Variants in TANGO6 observed in about 807,000 individuals in gnomAD.
TANGO6 encodes the protein transport and golgi organization 6 homolog, also known as transport and Golgi organization protein 6 homolog.
Under a neutral mutation model 114.2 loss-of-function variants are expected in TANGO6, and 90 were observed. That is an observed-to-expected ratio of 0.79 (90% CI 0.66 to 0.94). The LOEUF (loss-of-function observed/expected upper bound fraction) is 0.94. Ranked by LOEUF, TANGO6 falls within the 40% of genes least tolerant of loss-of-function variation. The pLI, the probability that TANGO6 is intolerant of heterozygous loss-of-function variation, is 0.00. For synonymous variants in TANGO6, 477 were observed against 509.8 expected, an observed-to-expected ratio of 0.94 and a Z score of 0.87; for missense variants, 1,274 against 1,315.3, an observed-to-expected ratio of 0.97 and a Z score of 0.49.
intron 14 of TANGO6, among the ~76,000 whole-genome samples, chr16:68,956,436 A>G (rs1963530671): frequency 6.6e-6 from 1 of 152,160 alleles, no homozygotes; most frequent in Non-Finnish European, 1.5e-5. Flanking sequence ...CTCCAACATT[A>G]AGCTTAGACC....
chr16:69,073,923 C>T (rs1176716659), intron 17 of TANGO6, among the ~76,000 whole-genome samples: 1 of 151,524 alleles, frequency 6.6e-6, no homozygotes, highest in Admixed American at 6.6e-5. Context: ...CCATTCACTG[C>T]TCTCCAGCCT....
intron 15 of TANGO6, among the ~76,000 whole-genome samples, chr16:69,007,398 T>C (rs987570668): frequency 6.7e-6 from 1 of 150,072 alleles, no homozygotes; most frequent in Non-Finnish European, 1.5e-5. Context: ...GCCTCCCCAA[T>C]AGCTGGGACT....
chr16:68,879,635 T>A (rs935425502), intron 6 of TANGO6, among the ~76,000 whole-genome samples: 1 of 147,946 alleles, frequency 6.8e-6, no homozygotes, highest in East Asian at 2.0e-4. Flanking sequence ...TTTTTTTTTT[T>A]AGACAGAGTC....
Position 68,907,570 on chromosome 16 carries a change from T to C in TANGO6, c.1795T>C (p.Leu599=). The part of the protein sequence containing the change: ...GLAGDFFIFC[L]KELTHVASEN... Reference sequence around the variant, plus strand: ...GGCAGGAGACTTCTTCATCTTCTGTTTGAAAGTAAGAACTACCTGTAGTTC... The same window carrying C: ...GGCAGGAGACTTCTTCATCTTCTGTCTGAAAGTAAGAACTACCTGTAGTTC... The change falls in exon 10 of 18, where the codon TTG becomes CTG. Residue 599 remains leucine (L), a synonymous_variant. Transcript: ENST00000261778. The C allele has an allele frequency of 6.2e-7, 1 of 1,611,938 alleles. No individual in the cohort carries two copies. The highest frequency in any genetic ancestry group is 8.5e-7 in the Non-Finnish European group (1 of 1,179,182).
chr16:69,024,182 G>A (rs909518196), intron 16 of TANGO6, among the ~76,000 whole-genome samples: 2 of 151,948 alleles, frequency 1.3e-5, no homozygotes, highest in African/African-American at 2.4e-5. Flanking sequence ...GATTACAGGC[G>A]TGAGCCACCA....
intron 17 of TANGO6, among the ~76,000 whole-genome samples, chr16:69,047,499 G>T (rs1343992169): frequency 6.6e-6 from 1 of 151,684 alleles, no homozygotes; most frequent in Non-Finnish European, 1.5e-5. Context: ...AAAAAAAAAG[G>T]TGAGTGATTT....
rs1555526453 is a variant in TANGO6, at chr16:68,980,383, T to TCTCTCTCTCTCTCTCTCTCTC, written c.2842+6215_2842+6216insCTCTCTCTCTCTCTCTCTCTC. Among the ~76,000 whole-genome samples the TCTCTCTCTCTCTCTCTCTCTC allele has an allele frequency of 1.2e-3, 45 of 36,794 alleles. 1 individual carries two copies. Among genetic ancestry groups the TCTCTCTCTCTCTCTCTCTCTC allele is most frequent in the African/African-American group, 1.6e-3 (15 of 9,402 alleles). The allele number at this position is 36,794 out of a possible 152,430, so 24.1% of individuals were successfully genotyped here. On this transcript the variant is annotated intron_variant, in intron 15 of 17. Transcript: ENST00000261778. ...TGAGTATGAATCTATCTGTCTGTCA[T>TCTCTCTCTCTCTCTCTCTCTC]TCTCTCTCTCTCTCTCTCTCTCTCT...
At chr16:68,919,699 T>G (rs1963063371) in intron 12 of TANGO6, among the ~76,000 whole-genome samples, 1 of 152,240 alleles carries the variant, frequency 6.6e-6, no homozygotes, top group Non-Finnish European at 1.5e-5. Flanking sequence ...TAAGTATGTA[T>G]GTCTTTTACA....
At chr16:69,035,805 A>C (rs1277566332) in intron 16 of TANGO6, 1 of 152,282 alleles carries the variant, frequency 6.6e-6, no homozygotes, top group African/African-American at 2.4e-5. Context: ...TAATCCCAGC[A>C]CTTTAGGAGG....
At chr16:68,930,856 C>T (rs148781131) in intron 14 of TANGO6, among the ~76,000 whole-genome samples, 8,450 of 152,094 alleles carry the variant, frequency 0.056, 314 homozygotes, top group Non-Finnish European at 0.077. Context: ...AGGCTGGACT[C>T]GAACTCCTGA....
chr16:68,906,856 C>A (rs193043473), intron 9 of TANGO6, among the ~76,000 whole-genome samples: 92 of 149,978 alleles, frequency 6.1e-4, no homozygotes, highest in African/African-American at 2.2e-3. Context: ...TGCAATGGCA[C>A]AATCTCGGCT....
At chr16:68,893,566 T>C (rs1438893409) in intron 7 of TANGO6, among the ~76,000 whole-genome samples, 1 of 151,594 alleles carries the variant, frequency 6.6e-6, no homozygotes, top group East Asian at 1.9e-4. Context: ...GGTGAAACCG[T>C]GTCTACTAAA....
intron 16 of TANGO6, among the ~76,000 whole-genome samples, chr16:69,031,574 C>T (rs1010971633): frequency 3.3e-5 from 5 of 151,772 alleles, no homozygotes; most frequent in African/African-American, 1.2e-4. Flanking sequence ...TGGTGGCACA[C>T]GCTACTCGGG....
intron 14 of TANGO6, among the ~76,000 whole-genome samples, chr16:68,952,935 T>C (rs559853343): frequency 6.5e-4 from 99 of 152,256 alleles, no homozygotes; most frequent in Non-Finnish European, 4.6e-4. Flanking sequence ...CCACTATTGA[T>C]AACCTTTAAA....
intron 9 of TANGO6, among the ~76,000 whole-genome samples, chr16:68,905,603 T>G (rs1411173419): frequency 6.6e-6 from 1 of 151,834 alleles, no homozygotes; most frequent in Non-Finnish European, 1.5e-5. Context: ...ACATAGTATC[T>G]TTGTCTCTTG....
Position 68,907,577 on chromosome 16 carries a change from T to A in TANGO6, c.1800+2T>A. On this transcript the variant is annotated splice_donor_variant, in intron 10 of 17. Transcript: ENST00000261778. LOFTEE classifies it high-confidence loss of function. ...GACTTCTTCATCTTCTGTTTGAAAG[T>A]AAGAACTACCTGTAGTTCCTGGTCA... 6.2e-7 allele frequency: 1 copy of A among 1,611,088 alleles called. No individual in the cohort carries two copies. Among genetic ancestry groups the A allele is most frequent in the Non-Finnish European group, 8.5e-7 (1 of 1,178,856 alleles).
At chr16:68,964,447 A>C (rs977177741) in intron 14 of TANGO6, among the ~76,000 whole-genome samples, 5 of 151,964 alleles carry the variant, frequency 3.3e-5, no homozygotes, top group African/African-American at 1.2e-4. Context: ...CAATGAGTGT[A>C]TATTTCCCCT....
intron 17 of TANGO6, among the ~76,000 whole-genome samples, chr16:69,077,067 G>A (rs1262891518): frequency 1.3e-5 from 2 of 151,454 alleles, no homozygotes; most frequent in Non-Finnish European, 2.9e-5. Flanking sequence ...TTGGAGACAG[G>A]GTCTCACTCT....
At chr16:68,880,517 A>G in intron 6 of TANGO6, 31 bp from the exon 7 acceptor site, 1 of 1,577,472 alleles carries the variant, frequency 6.3e-7, no homozygotes, top group Non-Finnish European at 8.7e-7. Context: ...GAGGCACTAA[A>G]TATGGGTAAT....
Sources: allele counts gnomAD v4.1 joint callset (sites outside exome capture counted in the v4.1 genomes callset), GRCh38; gene constraint gnomAD v4.1.1; transcripts MANE v1.5; gene names NCBI Gene and HGNC (gene_info 2026-07-23, HGNC 2026-07-21).